HHATL: variants seen among roughly 807,000 people sequenced by gnomAD.
HHATL encodes protein-cysteine N-palmitoyltransferase HHAT-like protein.
Under a neutral mutation model 59.7 loss-of-function variants are expected in HHATL, and 49 were observed. The observed-to-expected ratio is 0.82, with a 90% CI of 0.65 to 1.04. The LOEUF is 1.04. Ranked by LOEUF, HHATL falls within the 50% of genes least tolerant of loss-of-function variation. The probability of loss-of-function intolerance (pLI) is 0.00; values close to 1 mark genes in which losing one functional copy is unlikely to be tolerated. For synonymous variants in HHATL, 238 were observed against 257.3 expected, an observed-to-expected ratio of 0.93 and a Z score of 0.72; for missense variants, 605 against 650.8, an observed-to-expected ratio of 0.93 and a Z score of 0.77.
At chr3:42,693,532 G>A in intron 10 of HHATL, 85 bp downstream of exon 10, 1 of 1,180,780 alleles carries the variant, frequency 8.5e-7, no homozygotes, top group Non-Finnish European at 1.2e-6. Flanking sequence ...TTAGGGGCCA[G>A]GTGTTTGGAC....
chr3:42,694,358 C>A (rs1420400151), intron 9 of HHATL, among the ~76,000 whole-genome samples: 4 of 152,192 alleles, frequency 2.6e-5, no homozygotes, highest in Admixed American at 2.0e-4. Context: ...CCTCTACCAC[C>A]ACCACCCTAG....
chr3:42,699,886 C>A, intron 2 of HHATL, 61 bp from the exon 3 acceptor site: 1 of 1,427,502 alleles, frequency 7.0e-7, no homozygotes, highest in African/African-American at 1.4e-5. Flanking sequence ...CACCTTCCCC[C>A]GTGGACAAGG....
intron 1 of HHATL, 55 bp from the exon 2 acceptor site, chr3:42,700,894 C>A: frequency 8.1e-7 from 1 of 1,230,312 alleles, no homozygotes; most frequent in Admixed American, 1.9e-5. Flanking sequence ...CCTAGCCCCA[C>A]CTCATGGTCC....
Position 42,697,499 on chromosome 3 carries a change from T to G in HHATL, c.865+9A>C, listed in dbSNP as rs1447617672. The stretch of plus-strand genomic sequence containing the variant: ...CAGCCCTGCCCCCATTTCTCTTCTG[T>G]GGACCCACCGAGGGCACTGTCTGGG... On this transcript the variant is annotated intron_variant, in intron 7 of 11. Transcript: ENST00000441594. 6.2e-7 allele frequency: 1 copy of G among 1,612,404 alleles called. No homozygotes were observed. The highest frequency in any genetic ancestry group is 8.5e-7 in the Non-Finnish European group (1 of 1,178,998).
rs540064874 is a variant in HHATL at position 42,697,655 on chromosome 3, G to C, written c.718C>G (p.Arg240Gly). 68 of 1,613,862 alleles carry C rather than the reference G, an allele frequency of 4.2e-5. 2 individuals are homozygous for C. In the South Asian group the frequency reaches 7.5e-4, roughly 18 times the overall value. Reference sequence around the variant, plus strand: ...CGGATGTGCCACAGCTCACCCTCGCGTCTCACTGGCTCCACCTGGCTCACC... The same window carrying C: ...CGGATGTGCCACAGCTCACCCTCGCCTCTCACTGGCTCCACCTGGCTCACC... ...AQVSQVEPVR[R>G]EGELWHIRAQ... The change falls in exon 7 of 12, where the codon CGC becomes GGC. Residue 240 changes from arginine to glycine, a missense_variant. Transcript: ENST00000441594.
In HHATL at chr3:42,697,140, G is replaced by T. The variant is rs1191679592; in HGVS notation, c.871C>A (p.Leu291Ile). 6.6e-7 allele frequency: 1 copy of T among 1,525,934 alleles called. No individual in the cohort carries two copies. The highest frequency in any genetic ancestry group is 8.8e-7 in the Non-Finnish European group (1 of 1,136,114). The allele number at this position is 1,525,934 out of a possible 1,614,324, so 94.5% of individuals were successfully genotyped here. Residue 291 changes from leucine to isoleucine, a missense_variant, in exon 8 of 12, where the codon CTA becomes ATA. Transcript: ENST00000441594. ...TCATACACCAGGTTTGAATAGGCTA[G>T]GCCAGCTGGGGGCAGGGCACTGTCA... ...NRLPDSALAG[L>I]AYSNLVYDWV... is the part of the protein sequence containing the mutation.
chr3:42,697,465 C>T, intron 7 of HHATL, 43 bp downstream of exon 7: 1 of 1,585,458 alleles, frequency 6.3e-7, no homozygotes, highest in Non-Finnish European at 8.6e-7. Flanking sequence ...GTCTGTTTTC[C>T]TGGGGCGGCA....
At chr3:42,697,246 C>A in intron 7 of HHATL, 101 bp from the exon 8 acceptor site, 1 of 1,418,102 alleles carries the variant, frequency 7.1e-7, no homozygotes, top group South Asian at 1.5e-5. Context: ...CCAGGCTCTG[C>A]CCGCCCCACG....
Position 42,693,713 on chromosome 3 carries a change from G to A in HHATL, c.1152C>T (p.Asp384=). 1 of 1,614,208 alleles carries A rather than the reference G, an allele frequency of 6.2e-7. No homozygotes were observed. The highest frequency in any genetic ancestry group is 8.5e-7 in the Non-Finnish European group (1 of 1,180,026). Residue 384 remains aspartate (D), a synonymous_variant, in exon 10 of 12, where the codon GAC becomes GAT. Transcript: ENST00000441594. ...AITTLWLGPC[D]IVYLWSFLNC... The stretch of plus-strand genomic sequence containing the variant: ...TAAGGAATGACCACAGGTAGACAAT[G>A]TCACAAGGCCCAAGCCACAGTGTGG...
intron 8 of HHATL, 61 bp from the exon 9 acceptor site, chr3:42,696,938 G>A: frequency 1.2e-6 from 2 of 1,613,910 alleles, no homozygotes; most frequent in Non-Finnish European, 1.7e-6. Context: ...AGGCATGGGG[G>A]AAGAGGCTAG....
intron 1 of HHATL, among the ~76,000 whole-genome samples, chr3:42,702,011 C>T (rs1698016188): frequency 6.6e-6 from 1 of 152,238 alleles, no homozygotes; most frequent in African/African-American, 2.4e-5. Context: ...GGGGCAGGGA[C>T]CTGTCAAGGT....
chr3:42,696,725 C>T, intron 9 of HHATL, 117 bp downstream of exon 9: 3 of 1,100,822 alleles, frequency 2.7e-6, no homozygotes, highest in Admixed American at 2.0e-5. Context: ...TCCTCACTGC[C>T]CTCTTTGCTT....
Position 42,693,091 on chromosome 3 carries a change from C to T in HHATL, c.1376G>A (p.Arg459His), listed in dbSNP as rs764961715. 22 of 1,614,046 alleles carry T rather than the reference C, an allele frequency of 1.4e-5. No individual in the cohort carries two copies. Among genetic ancestry groups the T allele is most frequent in the East Asian group, 2.2e-5 (1 of 44,888 alleles). The change falls in exon 11 of 12, where the codon CGC (arginine) becomes CAC (histidine). Residue 459 changes from arginine (R) to histidine (H), a missense_variant. Physicochemically the swap from Arg to His is conservative, Grantham distance 29. Transcript: ENST00000441594. ...SLKFTELVAR[R>H]LLLTGFPQTT... ...CTGTCCCTCACCTGTGAGTAGCAGG[C>T]GCCGGGCAACCAGCTCTGTGAATTT...
chr3:42,701,975 C>G lies in HHATL; in HGVS notation c.-14+604G>C, dbSNP rs1384845862. Among the ~76,000 whole-genome samples the G allele has an allele frequency of 6.6e-6, 1 of 152,232 alleles. No individual in the cohort carries two copies. Among genetic ancestry groups the G allele is most frequent in the African/African-American group, 2.4e-5 (1 of 41,470 alleles). On this transcript the variant is annotated intron_variant, in intron 1 of 11. Coordinates refer to ENST00000441594, the MANE Select transcript of HHATL (RefSeq NM_020707.4). The surrounding 1 kb of genome is among the most constrained non-coding windows in gnomAD (Gnocchi z 5.1). ...CCCAGCAGCCGACGGTCTCCTCGTA[C>G]AGATGGAGGGGTCATGGGCCAGATA...
At chr3:42,696,036 A>T (rs1409153944) in intron 9 of HHATL, among the ~76,000 whole-genome samples, 2 of 151,828 alleles carry the variant, frequency 1.3e-5, no homozygotes, top group Non-Finnish European at 2.9e-5. Context: ...TCCTCAGTTG[A>T]CTTTCCCTCC....
chr3:42,695,950 C>T (rs1267752760), intron 9 of HHATL, among the ~76,000 whole-genome samples: 1 of 152,168 alleles, frequency 6.6e-6, no homozygotes, highest in African/African-American at 2.4e-5. Flanking sequence ...TAACACATCC[C>T]TCTTCTCCCT....
At chr3:42,702,252 C>T (rs990354478) in intron 1 of HHATL, among the ~76,000 whole-genome samples, 15 of 152,200 alleles carry the variant, frequency 9.9e-5, no homozygotes, top group African/African-American at 3.1e-4. Context: ...AGCTTGAAAC[C>T]GGAGCATGGT....
Position 42,697,550 on chromosome 3 carries a change from T to C in HHATL, c.823A>G (p.Ser275Gly). ...AGGCGGTTGGCGAACTTGAGGTCGC[T>C]GGGGATAGTGAGGATGTAGAAGAAG... is the stretch of plus-strand genomic sequence containing the variant. Reference protein sequence around the residue: ...FHFFYILTIPSDLKFANRLPD... With the variant: ...FHFFYILTIPGDLKFANRLPD... The change falls in exon 7 of 12, where the codon AGC (serine) becomes GGC (glycine). Residue 275 changes from serine to glycine, a missense_variant. Ser to Gly is a moderately conservative substitution (Grantham distance 56). Transcript: ENST00000441594. The C allele has an allele frequency of 1.2e-6, 2 of 1,613,794 alleles. No individual in the cohort carries two copies. The highest frequency in any genetic ancestry group is 1.7e-6 in the Non-Finnish European group (2 of 1,179,894).
chr3:42,696,740 TG>T, intron 9 of HHATL, 101 bp downstream of exon 9: 1 of 1,306,804 alleles, frequency 7.7e-7, no homozygotes, highest in Non-Finnish European at 1.1e-6. Context: ...TTGCTTCCCC[TG>T]GCCCAGGGGT....
Sources: allele counts gnomAD v4.1 joint callset (sites outside exome capture counted in the v4.1 genomes callset), GRCh38; gene constraint gnomAD v4.1.1; non-coding constraint Gnocchi (gnomAD v3.1); transcripts MANE v1.5; gene names NCBI Gene and HGNC (gene_info 2026-07-23, HGNC 2026-07-21).